CYP11B1: variants seen among roughly 807,000 people sequenced by gnomAD.
The protein encoded by CYP11B1 is cytochrome P450 11B1, mitochondrial.
CYP11B1 carries 34 observed loss-of-function variants against 48.3 expected under a neutral mutation model. The ratio of observed to expected loss-of-function variants is 0.70; its 90% CI spans 0.54 to 0.94. CYP11B1 has a LOEUF of 0.94. Ranked by LOEUF, CYP11B1 falls within the 40% of genes least tolerant of loss-of-function variation. The pLI, the probability that CYP11B1 is intolerant of heterozygous loss-of-function variation, is 0.00. For missense variants in CYP11B1, 688 were observed against 657.4 expected (o/e 1.05, Z -0.51); for synonymous variants, 291 against 262.5 (o/e 1.11, Z -1.05).
chr8:142,877,118 T>G lies in CYP11B1; in HGVS notation c.500A>C (p.Asp167Ala). 1 of 1,614,044 alleles carries G rather than the reference T, an allele frequency of 6.2e-7. No individual in the cohort carries two copies. The change falls in exon 3 of 9, where the codon GAC becomes GCC. Residue 167 changes from aspartate (D) to alanine (A), a missense_variant. Asp to Ala is a moderately radical substitution (Grantham distance 126, BLOSUM62 -2). Coordinates refer to ENST00000292427, the MANE Select transcript of CYP11B1 (RefSeq NM_000497.4). ...FLPMVDAVARDFSQALKKKVL... is the reference protein window; with the variant it reads ...FLPMVDAVARAFSQALKKKVL... ...CTTCTTCTTCAGGGCCTGGGAGAAGTCCCTGGCCACTGCATCCACCATCGG... is the reference window on the plus strand; with the variant it reads ...CTTCTTCTTCAGGGCCTGGGAGAAGGCCCTGGCCACTGCATCCACCATCGG...
chr8:142,876,564 G>A (rs1210382298), intron 4 of CYP11B1, 118 bp downstream of exon 4: 12 of 1,549,848 alleles, frequency 7.7e-6, no homozygotes, highest in Middle Eastern at 2.1e-4. Context: ...CTGGCAGGAA[G>A]GTGAGGAATC....
intron 5 of CYP11B1, 145 bp from the exon 6 acceptor site, chr8:142,876,023 C>A: frequency 8.6e-7 from 1 of 1,162,682 alleles, no homozygotes; most frequent in South Asian, 1.4e-5. Flanking sequence ...TCCTAATGCC[C>A]ATCCAAACCC....
chr8:142,879,260 A>G (rs1208744644), intron 1 of CYP11B1, 73 bp from the exon 2 acceptor site: 115 of 1,610,980 alleles, frequency 7.1e-5, no homozygotes, highest in Admixed American at 4.7e-4. Context: ...GTCCCAATCC[A>G]AAGTGTCTCC....
intron 5 of CYP11B1, 129 bp downstream of exon 5, chr8:142,876,112 C>G: frequency 7.3e-7 from 1 of 1,367,450 alleles, no homozygotes; most frequent in Non-Finnish European, 1.0e-6. Flanking sequence ...ACATCACAAT[C>G]CCAAGTAAGA....
rs1421641874 is a variant in CYP11B1, at chr8:142,876,682, C to G, written c.799G>C (p.Gly267Arg). The change falls in exon 4 of 9, where the codon GGC (glycine) becomes CGC (arginine). Residue 267 changes from glycine to arginine, a missense_variant and splice_region_variant. Transcript: ENST00000292427. ...GCACTGCCCGGGTCCCTGGCCTCAC[C>G]GTACTGGAAGATGCAGTCCCAGGCC... ...FEAWDCIFQY[G>R]DNCIQKIYQE... The G allele has an allele frequency of 7.5e-6, 12 of 1,608,488 alleles. No individual in the cohort carries two copies. The highest frequency in any genetic ancestry group is 1.0e-5 in the Non-Finnish European group (12 of 1,177,762).
rs938034423 is a variant in CYP11B1 at position 142,877,908 on chromosome 8, G to T, written c.396-686C>A. The T allele has an allele frequency of 3.1e-6, 4 of 1,282,674 alleles. No individual in the cohort carries two copies. In the Admixed American group the frequency reaches 6.0e-5, roughly 19 times the overall value. 79.5% of individuals were successfully genotyped at this position (1,282,674 alleles called of 1,614,324 possible). A position where few individuals can be genotyped will look rare whatever the true frequency, so the allele number is the denominator to read the frequency against. On this transcript the variant is annotated intron_variant, in intron 2 of 8. Transcript: ENST00000292427. ...TTGACAGTGATGGCAGGCAGAAGAT[G>T]CACATGCTCACATGCGCCCATGCAA... is the stretch of plus-strand genomic sequence containing the variant.
Position 142,875,145 on chromosome 8 carries a change from G to C in CYP11B1, c.1210C>G (p.Arg404Gly). 6.2e-7 allele frequency: 1 copy of C among 1,614,268 alleles called. No homozygotes were observed. The highest frequency in any genetic ancestry group is 8.5e-7 in the Non-Finnish European group (1 of 1,180,044). Residue 404 changes from arginine to glycine, a missense_variant, in exon 8 of 9, where the codon CGC (arginine) becomes GGC (glycine). Physicochemically the swap from Arg to Gly is moderately radical, Grantham distance 125 (BLOSUM62 -2). Transcript: ENST00000292427. ...CGACCCAGAGAGTAGAGGAACACGC[G>C]CACCAATGTCTGCGGACGGTGCAGA... Reference protein sequence around the residue: ...NYHIPAGTLVRVFLYSLGRNP... With the variant: ...NYHIPAGTLVGVFLYSLGRNP...
At chr8:142,876,155 G>A (rs779910865) in intron 5 of CYP11B1, 86 bp downstream of exon 5, 80 of 1,573,268 alleles carry the variant, frequency 5.1e-5, no homozygotes, top group Non-Finnish European at 6.5e-5. Context: ...GATGGGACAC[G>A]TGGGCGCCGT....
Position 142,876,855 on chromosome 8 carries a change from A to G in CYP11B1, c.626T>C (p.Leu209Pro). The part of the protein sequence containing the change: ...ASNLALFGER[L>P]GLVGHSPSSA... ...ACTGGGGCTGTGGCCAACCAGGCCC[A>G]GCCGCTCTCCAAAAAGAGCCAAGTT... Residue 209 changes from leucine to proline, a missense_variant, in exon 4 of 9, where the codon CTG becomes CCG. Coordinates refer to ENST00000292427, the MANE Select transcript of CYP11B1 (RefSeq NM_000497.4). The G allele has an allele frequency of 6.2e-7, 1 of 1,614,160 alleles. No homozygotes were observed. The highest frequency in any genetic ancestry group is 1.1e-5 in the South Asian group (1 of 91,072).
In CYP11B1 at chr8:142,872,863, T is replaced by C. The variant is rs1816836668; in HGVS notation, c.*1510A>G. ...AGTGCCCTCTTGAATGGAACTGGCG[T>C]CCTTATAAAAGAGGTCTCTGTGAGC... On this transcript the variant is annotated 3_prime_UTR_variant, in exon 9 of 9. Coordinates refer to ENST00000292427, the MANE Select transcript of CYP11B1 (RefSeq NM_000497.4). 6.6e-6 allele frequency: 1 copy of C among 152,174 alleles called. No individual in the cohort carries two copies. Among genetic ancestry groups the C allele is most frequent in the Non-Finnish European group, 1.5e-5 (1 of 68,054 alleles). 9.4% of individuals were successfully genotyped at this position (152,174 alleles called of 1,614,324 possible).
chr8:142,874,940 AGCCCGG>A lies in CYP11B1; in HGVS notation c.1398+11_1398+16del. The A allele has an allele frequency of 6.2e-7, 1 of 1,611,440 alleles. No individual in the cohort carries two copies. The highest frequency in any genetic ancestry group is 8.5e-7 in the Non-Finnish European group (1 of 1,179,306). On this transcript the variant is annotated intron_variant, in intron 8 of 8. Coordinates refer to ENST00000292427, the MANE Select transcript of CYP11B1 (RefSeq NM_000497.4). ...CCAGACCCCGCCCAGGCCCCTCCCC[AGCCCGG>A]GCCTGCTCACATGGTGCAGCAGCAG...
In CYP11B1 at chr8:142,875,023, G is replaced by C. The variant is rs1254457570; in HGVS notation, c.1332C>G (p.Gly444=). ...GCCCAAGGCACTGGCGCATGCCAAA[G>C]CCAAAGGGCACGTGGTAGAAGTTCC... ...SGRNFYHVPF[G]FGMRQCLGRR... The change falls in exon 8 of 9, where the codon GGC becomes GGG. Residue 444 remains glycine, a synonymous_variant. Coordinates refer to ENST00000292427, the MANE Select transcript of CYP11B1 (RefSeq NM_000497.4). 6.2e-7 allele frequency: 1 copy of C among 1,614,258 alleles called. No individual in the cohort carries two copies. The highest frequency in any genetic ancestry group is 1.1e-5 in the South Asian group (1 of 91,092).
intron 1 of CYP11B1, 59 bp downstream of exon 1, chr8:142,879,516 T>C (rs1199556265): frequency 1.2e-6 from 2 of 1,614,004 alleles, no homozygotes; most frequent in Admixed American, 1.7e-5. Flanking sequence ...CCCGGCAGGG[T>C]CCTGGGCAGC....
chr8:142,876,828 G>T lies in CYP11B1; in HGVS notation c.653C>A (p.Ser218Tyr), dbSNP rs1422110134. The T allele has an allele frequency of 1.2e-6, 2 of 1,614,070 alleles. No homozygotes were observed. The highest frequency in any genetic ancestry group is 1.3e-5 in the African/African-American group (1 of 74,944). ...GGCATGGAGGAAGTTCAGGCTGGCAGAACTGGGGCTGTGGCCAACCAGGCC... is the reference window on the plus strand; with the variant it reads ...GGCATGGAGGAAGTTCAGGCTGGCATAACTGGGGCTGTGGCCAACCAGGCC... ...RLGLVGHSPS[S>Y]ASLNFLHALE... The change falls in exon 4 of 9, where the codon TCT (serine) becomes TAT (tyrosine). Residue 218 changes from serine (S) to tyrosine (Y), a missense_variant. Transcript: ENST00000292427.
intron 2 of CYP11B1, chr8:142,877,919 C>T (rs1817011428): frequency 9.1e-7 from 1 of 1,103,158 alleles, no homozygotes; most frequent in Non-Finnish European, 1.3e-6. Context: ...CACATGCTCA[C>T]ATGCGCCCAT....
At chr8:142,874,924 G>A (rs370772088) in intron 8 of CYP11B1, 33 bp downstream of exon 8, 62 of 1,609,962 alleles carry the variant, frequency 3.9e-5, no homozygotes, top group Non-Finnish European at 4.9e-5. Flanking sequence ...CCCAGACCCC[G>A]CCCAGGCCCC....
Position 142,874,346 on chromosome 8 carries a change from G to T in CYP11B1, c.*27C>A. On this transcript the variant is annotated 3_prime_UTR_variant, in exon 9 of 9. Coordinates refer to ENST00000292427, the MANE Select transcript of CYP11B1 (RefSeq NM_000497.4). ...GGCAGAAAGGGAGGCTGGTGGCCAGGCTGGGACCCTGGGTGCAGAGACGTG... is the reference window on the plus strand; with the variant it reads ...GGCAGAAAGGGAGGCTGGTGGCCAGTCTGGGACCCTGGGTGCAGAGACGTG... 6.5e-7 allele frequency: 1 copy of T among 1,545,278 alleles called. No individual in the cohort carries two copies. Among genetic ancestry groups the T allele is most frequent in the Non-Finnish European group, 9.0e-7 (1 of 1,117,184 alleles).
At chr8:142,875,433 G>A (rs1816907444) in intron 6 of CYP11B1, 121 bp from the exon 7 acceptor site, 9 of 1,323,864 alleles carry the variant, frequency 6.8e-6, no homozygotes, top group Non-Finnish European at 9.5e-6. Flanking sequence ...CAGGTCGTAG[G>A]AAGTGCTTCC....
At chr8:142,877,662 C>A in intron 2 of CYP11B1, 1 of 1,352,602 alleles carries the variant, frequency 7.4e-7, no homozygotes, top group South Asian at 1.2e-5. Flanking sequence ...CCCTTCCCTG[C>A]CCTGGGCACA....
Sources: gnomAD v4.1 joint callset for allele counts on GRCh38, gnomAD v4.1.1 for gene constraint, MANE v1.5 for transcripts, NCBI Gene and HGNC (gene_info 2026-07-23, HGNC 2026-07-21) for gene names.